TYW1B: variants seen among roughly 807,000 people sequenced by gnomAD.
The protein encoded by TYW1B is tRNA-yW synthesizing protein 1 homolog B.
In TYW1B, 73 loss-of-function variants were observed where a neutral mutation model predicts 86.9. The observed-to-expected ratio is 0.84, with a 90% CI of 0.70 to 1.02. The LOEUF is 1.02. Among genes scored for constraint, TYW1B ranks in the 50% least tolerant of loss-of-function variants. The probability of loss-of-function intolerance (pLI) is 0.00; values close to 1 mark genes in which losing one functional copy is unlikely to be tolerated. For synonymous variants in TYW1B, 248 were observed against 292.8 expected, an observed-to-expected ratio of 0.85 and a Z score of 1.56; for missense variants, 637 against 827.4, an observed-to-expected ratio of 0.77 and a Z score of 2.82.
intron 11 of TYW1B, among the ~76,000 whole-genome samples, chr7:72,656,644 C>T (rs554587600): frequency 1.6e-3 from 242 of 151,986 alleles, no homozygotes; most frequent in African/African-American, 5.6e-3. Context: ...ATACCTAAAG[C>T]TGGGTAATTT....
chr7:72,728,761 G>A, intron 9 of TYW1B, 61 bp downstream of exon 9: 2 of 1,497,890 alleles, frequency 1.3e-6, no homozygotes, highest in African/African-American at 1.4e-5. Flanking sequence ...CAATTCTTCT[G>A]CCAATCTGAT....
At chr7:72,595,275 A>C (rs1286026844) in intron 13 of TYW1B, among the ~76,000 whole-genome samples, 1 of 152,234 alleles carries the variant, frequency 6.6e-6, no homozygotes, top group African/African-American at 2.4e-5. Context: ...TAAACTAATA[A>C]AGGAATTCAG....
In TYW1B at chr7:72,784,603, T is replaced by C. The variant is rs1261362835; in HGVS notation, c.847-7070A>G. Among the ~76,000 whole-genome samples, 4 of 152,200 alleles carry C rather than the reference T, an allele frequency of 2.6e-5. No individual in the cohort carries two copies. In the East Asian group the frequency reaches 7.7e-4, roughly 29 times the overall value. On this transcript the variant is annotated intron_variant, in intron 6 of 13. Coordinates refer to ENST00000620995, the MANE Select transcript of TYW1B (RefSeq NM_001145440.3). ...ACCTCCATCTCTCAGGCTCAAGCGA[T>C]TCTCCTGCCTCAGTCTCCCGAGTAG...
intron 8 of TYW1B, among the ~76,000 whole-genome samples, chr7:72,735,666 T>G (rs1345328143): frequency 8.6e-5 from 13 of 151,598 alleles, no homozygotes; most frequent in African/African-American, 3.2e-4. Context: ...GGTCAGGAGT[T>G]CAAGATCAGT....
chr7:72,791,787 C>T (rs552094846), intron 6 of TYW1B, among the ~76,000 whole-genome samples: 3 of 152,076 alleles, frequency 2.0e-5, no homozygotes, highest in South Asian at 4.2e-4. Flanking sequence ...AACAAACAAA[C>T]AAAAAGAACA....
Position 72,810,656 on chromosome 7 carries a change from T to C in TYW1B, c.247A>G (p.Lys83Glu), listed in dbSNP as rs782119090. The change falls in exon 4 of 14, where the codon AAA becomes GAA. Residue 83 changes from lysine (K) to glutamate (E), a missense_variant. Coordinates refer to ENST00000620995, the MANE Select transcript of TYW1B (RefSeq NM_001145440.3). ...GCAACCAGGAAGACACAGACATTTT[T>C]ACTAGTCACCTAACCAAGAAAGTAA... ...DDHLIEEVTS[K>E]NVCVFLVATY... The C allele has an allele frequency of 2.5e-6, 4 of 1,608,350 alleles. No homozygotes were observed. Among genetic ancestry groups the C allele is most frequent in the Non-Finnish European group, 3.4e-6 (4 of 1,176,380 alleles).
chr7:72,774,452 G>T (rs138537496), intron 7 of TYW1B, among the ~76,000 whole-genome samples: 3 of 150,970 alleles, frequency 2.0e-5, no homozygotes, highest in Non-Finnish European at 4.4e-5. Context: ...GCCAGGCACC[G>T]TGGCTCAAGT....
intron 6 of TYW1B, among the ~76,000 whole-genome samples, chr7:72,787,584 A>G (rs1788150555): frequency 6.6e-6 from 1 of 152,006 alleles, no homozygotes; most frequent in South Asian, 2.1e-4. Context: ...CATCCTGGCC[A>G]ACACGGTGAA....
At chr7:72,804,020 C>T (rs1788451242) in intron 5 of TYW1B, among the ~76,000 whole-genome samples, 1 of 151,942 alleles carries the variant, frequency 6.6e-6, no homozygotes, top group African/African-American at 2.4e-5. Flanking sequence ...CACAGTGGCT[C>T]ACTCCTGTAA....
At chr7:72,806,398 G>A (rs1788496043) in intron 5 of TYW1B, among the ~76,000 whole-genome samples, 1 of 151,930 alleles carries the variant, frequency 6.6e-6, no homozygotes, top group Non-Finnish European at 1.5e-5. Flanking sequence ...ACCACACCTG[G>A]CTAATCTTTG....
rs59821679 is a variant in TYW1B at position 72,593,820 on chromosome 7, TAAAAAAAAAAAAAA to T, written c.1786-18115_1786-18102del. Among the ~76,000 whole-genome samples the T allele has an allele frequency of 6.9e-3, 302 of 43,702 alleles. 2 individuals carry two copies. Among genetic ancestry groups the T allele is most frequent in the African/African-American group, 0.018 (189 of 10,624 alleles). The allele number at this position is 43,702 out of a possible 152,430, so 28.7% of individuals were successfully genotyped here. Reference sequence around the variant, plus strand: ...CTGGGTGACAGAGCCAGACTCCATCTAAAAAAAAAAAAAAAAAAAAAAAAAAAAATCAATAGATG... The same window carrying T: ...CTGGGTGACAGAGCCAGACTCCATCTAAAAAAAAAAAAAAATCAATAGATG... On this transcript the variant is annotated intron_variant, in intron 13 of 13. Coordinates refer to ENST00000620995, the MANE Select transcript of TYW1B (RefSeq NM_001145440.3).
chr7:72,688,441 G>A (rs1161196246), intron 11 of TYW1B, among the ~76,000 whole-genome samples: 3 of 152,112 alleles, frequency 2.0e-5, no homozygotes, highest in African/African-American at 7.2e-5. Flanking sequence ...AGTAATTAAA[G>A]ACCAACTGGT....
intron 6 of TYW1B, among the ~76,000 whole-genome samples, chr7:72,785,937 G>T (rs1424490850): frequency 2.0e-5 from 3 of 151,908 alleles, no homozygotes; most frequent in Admixed American, 6.6e-5. Context: ...ACATGGCGAG[G>T]CGCTGTCTCT....
At chr7:72,719,099 T>C (rs1237251489) in intron 9 of TYW1B, among the ~76,000 whole-genome samples, 4 of 151,920 alleles carry the variant, frequency 2.6e-5, no homozygotes, top group Non-Finnish European at 5.9e-5. Context: ...ATGCAAAACA[T>C]GCTAGCTGCA....
intron 10 of TYW1B, among the ~76,000 whole-genome samples, chr7:72,703,020 ATATATATTTT>A (rs1434913554): frequency 2.4e-3 from 24 of 10,158 alleles, no homozygotes; most frequent in African/African-American, 8.7e-3. Context: ...ATATATATAT[ATATATATTTT>A]TTTTTTTTTT....
intron 6 of TYW1B, among the ~76,000 whole-genome samples, chr7:72,797,437 T>TC (rs1346518638): frequency 1.3e-5 from 2 of 152,200 alleles, no homozygotes; most frequent in African/African-American, 4.8e-5. Flanking sequence ...TCTGTGTCTC[T>TC]CCCTCATGCC....
At chr7:72,635,841 T>A (rs1484943867) in intron 11 of TYW1B, among the ~76,000 whole-genome samples, 6 of 152,214 alleles carry the variant, frequency 3.9e-5, no homozygotes, top group African/African-American at 1.4e-4. Flanking sequence ...AATCAATATT[T>A]AAATATTGGG....
intron 10 of TYW1B, among the ~76,000 whole-genome samples, chr7:72,703,739 T>C (rs1814545871): frequency 6.6e-6 from 1 of 151,230 alleles, no homozygotes; most frequent in Admixed American, 6.6e-5. Flanking sequence ...CCGGTAGTCC[T>C]AGCTACTGGG....
chr7:72,816,510 G>A (rs1788725935), intron 2 of TYW1B, among the ~76,000 whole-genome samples: 1 of 152,216 alleles, frequency 6.6e-6, no homozygotes, highest in South Asian at 2.1e-4. Context: ...GAAGCTCTGG[G>A]TTGGGAGCAG....
Sources: allele counts gnomAD v4.1 joint callset (sites outside exome capture counted in the v4.1 genomes callset), GRCh38; gene constraint gnomAD v4.1.1; transcripts MANE v1.5; gene names NCBI Gene and HGNC (gene_info 2026-07-23, HGNC 2026-07-21).